The following HIVEP3 variants were observed in gnomAD, a reference collection of about 807,000 sequenced individuals.
HIVEP3 encodes the protein transcription factor HIVEP3.
HIVEP3 carries 49 observed loss-of-function variants against 152.8 expected under a neutral mutation model. The ratio of observed to expected loss-of-function variants is 0.32; its 90% confidence interval spans 0.26 to 0.41. The LOEUF is 0.41. HIVEP3 is among the 10% of genes least tolerant of loss of function. HIVEP3 has a pLI of 1.00. For missense variants in HIVEP3, 2,790 were observed against 3,103.3 expected, an observed-to-expected ratio of 0.90 and a Z score of 2.40; for synonymous variants, 1,269 against 1,289.0, an observed-to-expected ratio of 0.98 and a Z score of 0.33.
rs760424322 is a variant in HIVEP3, at chr1:41,511,046, G to C, written c.6626C>G (p.Ala2209Gly). The C allele has an allele frequency of 6.2e-7, 1 of 1,613,826 alleles. No individual in the cohort carries two copies. The highest frequency in any genetic ancestry group is 1.1e-5 in the South Asian group (1 of 91,082). Residue 2209 changes from alanine to glycine, a missense_variant, in exon 9 of 9, where the codon GCC (alanine) becomes GGC (glycine). By Grantham distance (60) the Ala-to-Gly change is moderately conservative (BLOSUM62 0). Coordinates refer to ENST00000372583, the MANE Select transcript of HIVEP3 (RefSeq NM_024503.5). This position sits in a 1 kb window ranked among gnomAD's most constrained non-coding sequence, Gnocchi z 4.9. ...GGGCCCTGGCAGCAGGGTGGGGTGG[G>C]CTCCTGGCCGGGCCTGCACCATCTG... is the stretch of plus-strand genomic sequence containing the variant. The part of the protein sequence containing the change: ...GIQMVQARPG[A>G]HPTLLPGPTA...
chr1:41,552,682 G>A (rs1047707571), intron 5 of HIVEP3, among the ~76,000 whole-genome samples: 2 of 151,524 alleles, frequency 1.3e-5, no homozygotes, highest in Admixed American at 6.6e-5. Context: ...AAACATACGT[G>A]TGCATGTGTC....
chr1:41,575,353 C>T (rs1000195844), intron 5 of HIVEP3, among the ~76,000 whole-genome samples, 191 bp downstream of exon 5: 2 of 152,154 alleles, frequency 1.3e-5, no homozygotes, highest in African/African-American at 4.8e-5. Context: ...CACCAAGAAG[C>T]CCCACGGCAT....
chr1:41,716,554 GGT>G (rs1166600427), intron 1 of HIVEP3, among the ~76,000 whole-genome samples: 2 of 152,172 alleles, frequency 1.3e-5, no homozygotes, highest in African/African-American at 4.8e-5. Context: ...CTCATGAGTG[GGT>G]GTGGCCACAA....
intron 1 of HIVEP3, among the ~76,000 whole-genome samples, chr1:41,894,152 G>A (rs922128595): frequency 2.6e-5 from 4 of 151,992 alleles, no homozygotes; most frequent in African/African-American, 9.7e-5. Context: ...TTATGTAGCA[G>A]TTTCTAAGTA....
rs893336664 is a variant in HIVEP3, at chr1:41,509,676, C to T, written c.*775G>A. 6.6e-6 allele frequency: 1 copy of T among 151,950 alleles called. No homozygotes were observed. Among genetic ancestry groups the T allele is most frequent in the Non-Finnish European group, 1.5e-5 (1 of 67,966 alleles). 9.4% of individuals were successfully genotyped at this position (151,950 alleles called of 1,614,324 possible). A position where few individuals can be genotyped will look rare whatever the true frequency, so the allele number is the denominator to read the frequency against. On this transcript the variant is annotated 3_prime_UTR_variant, in exon 9 of 9. Coordinates refer to ENST00000372583, the MANE Select transcript of HIVEP3 (RefSeq NM_024503.5). ...GAGTGGGGGTGCGTGGGTGGGGTGGCCTGCCCACCTGTGGAGTGCCAGGAT... is the reference window on the plus strand; with the variant it reads ...GAGTGGGGGTGCGTGGGTGGGGTGGTCTGCCCACCTGTGGAGTGCCAGGAT...
intron 3 of HIVEP3, among the ~76,000 whole-genome samples, chr1:41,601,161 T>C (rs146173559): frequency 5.5e-4 from 83 of 152,254 alleles, no homozygotes; most frequent in African/African-American, 1.9e-3. Context: ...GTGTAATTTT[T>C]TATGCTTTGA....
chr1:41,775,489 T>G (rs1648639112), intron 1 of HIVEP3, among the ~76,000 whole-genome samples: 1 of 151,936 alleles, frequency 6.6e-6, no homozygotes, highest in Admixed American at 6.5e-5. Flanking sequence ...TTGTTTGTGT[T>G]TTTGTTTTTT....
chr1:41,906,263 C>T (rs1191137104), intron 1 of HIVEP3, among the ~76,000 whole-genome samples: 5 of 151,652 alleles, frequency 3.3e-5, no homozygotes, highest in Admixed American at 6.6e-5. Context: ...GAGCTGAGAT[C>T]GCACCACTGC....
chr1:41,774,894 C>T (rs779470148), intron 1 of HIVEP3, among the ~76,000 whole-genome samples: 3 of 152,006 alleles, frequency 2.0e-5, no homozygotes, highest in Non-Finnish European at 4.4e-5. Context: ...CTCCTGGACT[C>T]AAGTGATCCT....
chr1:41,715,351 C>T (rs916986941), intron 1 of HIVEP3, among the ~76,000 whole-genome samples: 1 of 152,164 alleles, frequency 6.6e-6, no homozygotes, highest in African/African-American at 2.4e-5. Flanking sequence ...TACTCCCTGA[C>T]GTGTCCTGGT....
chr1:41,636,959 CAAAAAA>C (rs56258158), intron 2 of HIVEP3, among the ~76,000 whole-genome samples: 6 of 127,122 alleles, frequency 4.7e-5, no homozygotes, highest in Non-Finnish European at 6.6e-5. Context: ...AACTCCATCT[CAAAAAA>C]AAAAAAAAAA....
At chr1:41,647,107 A>T (rs1645472116) in intron 2 of HIVEP3, among the ~76,000 whole-genome samples, 1 of 152,202 alleles carries the variant, frequency 6.6e-6, no homozygotes, top group African/African-American at 2.4e-5. Context: ...GTAATCCAGG[A>T]CAATCACCCT....
intron 1 of HIVEP3, among the ~76,000 whole-genome samples, chr1:42,027,652 G>A (rs1449975222): frequency 1.3e-5 from 2 of 152,068 alleles, no homozygotes; most frequent in Non-Finnish European, 1.5e-5. Context: ...TCATTTTCAT[G>A]CTGCCGATAA....
rs530352433 is a variant in HIVEP3 at position 41,835,106 on chromosome 1, C to T, written c.-801+83307G>A. On this transcript the variant is annotated intron_variant, in intron 1 of 8. Coordinates refer to ENST00000372583, the MANE Select transcript of HIVEP3 (RefSeq NM_024503.5). Reference sequence around the variant, plus strand: ...GGGGACCAGAAGGACTAATTCTTAGCATGTAAGCTCCAAGGAAATGTAAGT... The same window carrying T: ...GGGGACCAGAAGGACTAATTCTTAGTATGTAAGCTCCAAGGAAATGTAAGT... Among the ~76,000 whole-genome samples, 3 of 152,328 alleles carry T rather than the reference C, an allele frequency of 2.0e-5. No homozygotes were observed. In the East Asian group the frequency reaches 5.8e-4, roughly 29 times the overall value.
At chr1:41,789,136 A>G (rs1341553447) in intron 1 of HIVEP3, among the ~76,000 whole-genome samples, 1 of 152,132 alleles carries the variant, frequency 6.6e-6, no homozygotes, top group Non-Finnish European at 1.5e-5. Flanking sequence ...TGTTCATCTC[A>G]CAGCTCATAT....
At chr1:41,845,031 T>C (rs966155141) in intron 1 of HIVEP3, among the ~76,000 whole-genome samples, 3 of 152,154 alleles carry the variant, frequency 2.0e-5, no homozygotes, top group Non-Finnish European at 4.4e-5. Flanking sequence ...GGGAGCTCCA[T>C]CCCTGGGCAT....
rs149788082 is a variant in HIVEP3 at position 41,867,091 on chromosome 1, C to T, written c.-801+51322G>A. Among the ~76,000 whole-genome samples the T allele has an allele frequency of 2.3e-3, 354 of 152,314 alleles. 1 individual carries two copies. Among genetic ancestry groups the T allele is most frequent in the African/African-American group, 8.2e-3 (342 of 41,566 alleles). On this transcript the variant is annotated intron_variant, in intron 1 of 8. Transcript: ENST00000372583. Reference sequence around the variant, plus strand: ...CCAGTCTTTCCAATCATCACTCAAGCTTCCAGTGGCTATTGGGCACTCTCC... The same window carrying T: ...CCAGTCTTTCCAATCATCACTCAAGTTTCCAGTGGCTATTGGGCACTCTCC...
Position 41,513,762 on chromosome 1 carries a change from C to T in HIVEP3, c.5471-12G>A, listed in dbSNP as rs149079572. 4,188 of 1,538,912 alleles carry T rather than the reference C, an allele frequency of 2.7e-3. 109 individuals are homozygous for T. In the African/African-American group the frequency reaches 0.051, roughly 19 times the overall value. On this transcript the variant is annotated splice_polypyrimidine_tract_variant and intron_variant, in intron 7 of 8. Coordinates refer to ENST00000372583, the MANE Select transcript of HIVEP3 (RefSeq NM_024503.5). ...GTCGTCACTGGTTCCTGAGGGCAAA[C>T]ACAGAAGACCCAAGGTCACAGTTGG...
intron 3 of HIVEP3, among the ~76,000 whole-genome samples, chr1:41,615,659 C>CCCAACTCA (rs1298838261): frequency 8.5e-5 from 13 of 152,132 alleles, no homozygotes; most frequent in Non-Finnish European, 1.5e-5. Flanking sequence ...CAGGGCCTCA[C>CCCAACTCA]CCAACTCAGG....
Sources: gnomAD v4.1 joint callset for allele counts (sites outside exome capture counted in the v4.1 genomes callset) on GRCh38, gnomAD v4.1.1 for gene constraint, Gnocchi (gnomAD v3.1) non-coding constraint, MANE v1.5 for transcripts, NCBI Gene and HGNC (gene_info 2026-07-23, HGNC 2026-07-21) for gene names.